Variants in CDYL2 observed in about 807,000 individuals in gnomAD.
CDYL2 encodes chromodomain Y like 2, also known as chromodomain Y-like protein 2.
Under a neutral mutation model 49.4 loss-of-function variants are expected in CDYL2, and 23 were observed. The observed-to-expected ratio is 0.47, with a 90% CI of 0.34 to 0.66. The LOEUF is 0.66. Ranked by LOEUF, CDYL2 falls within the 30% of genes least tolerant of loss-of-function variation. The pLI is 0.01. For synonymous variants in CDYL2, 360 were observed against 268.8 expected (o/e 1.34, Z -3.32); for missense variants, 678 against 656.4 (o/e 1.03, Z -0.36).
chr16:80,614,859 G>A (rs1182801771), intron 4 of CDYL2, among the ~76,000 whole-genome samples: 1 of 125,034 alleles, frequency 8.0e-6, no homozygotes, highest in Admixed American at 8.2e-5. Context: ...GTGAGACTCT[G>A]TCTCAGGGAG....
chr16:80,641,451 A>C (rs1017891966), intron 2 of CDYL2, among the ~76,000 whole-genome samples: 1 of 152,150 alleles, frequency 6.6e-6, no homozygotes, highest in Non-Finnish European at 1.5e-5. Context: ...AAAGCTGAGA[A>C]ATTTTATCAA....
chr16:80,657,319 G>A (rs773479585), intron 2 of CDYL2, among the ~76,000 whole-genome samples: 24 of 152,194 alleles, frequency 1.6e-4, no homozygotes, highest in Admixed American at 7.9e-4. Flanking sequence ...CAAGGACAGT[G>A]AATAGCATAA....
chr16:80,738,826 C>T (rs989522776), intron 1 of CDYL2: 2 of 152,162 alleles, frequency 1.3e-5, no homozygotes, highest in African/African-American at 4.8e-5. Flanking sequence ...TTTAACTTCG[C>T]CAAGCTTCAG....
chr16:80,766,897 T>C (rs539347441), intron 1 of CDYL2, among the ~76,000 whole-genome samples: 81 of 152,364 alleles, frequency 5.3e-4, no homozygotes, highest in African/African-American at 1.9e-3. Flanking sequence ...TACCAGGCAC[T>C]GGTTTTTACA....
intron 6 of CDYL2, among the ~76,000 whole-genome samples, chr16:80,605,527 T>G (rs1424846090): frequency 6.7e-6 from 1 of 149,908 alleles, no homozygotes; most frequent in Non-Finnish European, 1.5e-5. Context: ...ATAATCATAG[T>G]AACAATAGCA....
At chr16:80,653,565 T>C (rs1567557131) in intron 2 of CDYL2, among the ~76,000 whole-genome samples, 2 of 152,166 alleles carry the variant, frequency 1.3e-5, no homozygotes, top group South Asian at 4.1e-4. Context: ...GTTTTAACTT[T>C]TGTGAGTACA....
intron 2 of CDYL2, among the ~76,000 whole-genome samples, chr16:80,677,413 G>C (rs1909796347): frequency 6.6e-6 from 1 of 152,238 alleles, no homozygotes; most frequent in African/African-American, 2.4e-5. Context: ...AGCGTTTCAG[G>C]CTCAGAAGCA....
At chr16:80,770,669 G>C (rs1906875859) in intron 1 of CDYL2, among the ~76,000 whole-genome samples, 1 of 152,100 alleles carries the variant, frequency 6.6e-6, no homozygotes, top group Non-Finnish European at 1.5e-5. Flanking sequence ...GTAAAATTTA[G>C]ACTTGATGTC....
At chr16:80,667,884 C>A (rs1909333868) in intron 2 of CDYL2, among the ~76,000 whole-genome samples, 1 of 152,220 alleles carries the variant, frequency 6.6e-6, no homozygotes, top group Non-Finnish European at 1.5e-5. Context: ...CCCACAGAGG[C>A]TGGGTCATTT....
chr16:80,706,701 G>A (rs1904417410), intron 1 of CDYL2, among the ~76,000 whole-genome samples: 1 of 152,212 alleles, frequency 6.6e-6, no homozygotes, highest in Admixed American at 6.5e-5. Context: ...CAAGAAGAAT[G>A]AGATTGAGTC....
In CDYL2 at chr16:80,613,224, G is replaced by A. The variant is rs575435157; in HGVS notation, c.1008-388C>T. 1.1e-4 allele frequency among the ~76,000 whole-genome samples: 16 copies of A among 152,200 alleles called. No individual in the cohort carries two copies. In the South Asian group the frequency reaches 3.1e-3, roughly 30 times the overall value. ...TAAGGTGCAGAAGCAGAACCACAGG[G>A]AAGGTGTAACAGGGAGGCATATTTC... On this transcript the variant is annotated intron_variant, in intron 4 of 6. Coordinates refer to ENST00000570137, the MANE Select transcript of CDYL2 (RefSeq NM_152342.4).
At chr16:80,759,320 T>C (rs1352481346) in intron 1 of CDYL2, among the ~76,000 whole-genome samples, 1 of 151,740 alleles carries the variant, frequency 6.6e-6, no homozygotes, top group African/African-American at 2.4e-5. Flanking sequence ...TGAATGGAGA[T>C]GACACTTGAA....
chr16:80,639,969 G>C (rs1224070453), intron 2 of CDYL2, among the ~76,000 whole-genome samples: 1 of 152,196 alleles, frequency 6.6e-6, no homozygotes, highest in Non-Finnish European at 1.5e-5. Flanking sequence ...CAGAACTTGA[G>C]TTCCTGCAAG....
intron 5 of CDYL2, among the ~76,000 whole-genome samples, chr16:80,609,325 C>G (rs1906490043): frequency 6.6e-6 from 1 of 152,190 alleles, no homozygotes; most frequent in Non-Finnish European, 1.5e-5. Context: ...TCTCTCCTGC[C>G]TCTACATGCT....
chr16:80,787,245 T>C (rs923856063), intron 1 of CDYL2, among the ~76,000 whole-genome samples: 2 of 152,084 alleles, frequency 1.3e-5, no homozygotes, highest in African/African-American at 2.4e-5. Context: ...GCAGGGGAAA[T>C]GAAGCCAGCC....
intron 2 of CDYL2, among the ~76,000 whole-genome samples, chr16:80,645,646 A>C (rs1908306518): frequency 6.6e-6 from 1 of 152,126 alleles, no homozygotes; most frequent in Non-Finnish European, 1.5e-5. Context: ...TATATATCCA[A>C]AGGATTATAA....
At chr16:80,774,405 TG>T (rs1187647509) in intron 1 of CDYL2, among the ~76,000 whole-genome samples, 1 of 139,124 alleles carries the variant, frequency 7.2e-6, no homozygotes, top group East Asian at 2.3e-4. Context: ...TGGGGGAGGA[TG>T]GGGGAAGGAA....
chr16:80,681,570 C>A (rs1400768899), intron 2 of CDYL2, among the ~76,000 whole-genome samples: 2 of 152,196 alleles, frequency 1.3e-5, no homozygotes, highest in African/African-American at 4.8e-5. Flanking sequence ...CTCTCTCAAG[C>A]AAGGATTCTC....
At chr16:80,690,198 G>C (rs1005383824) in intron 1 of CDYL2, among the ~76,000 whole-genome samples, 3 of 152,112 alleles carry the variant, frequency 2.0e-5, no homozygotes, top group Non-Finnish European at 2.9e-5. Context: ...AAGGTGCTGT[G>C]AGAAACAACG....
Sources: gnomAD v4.1 joint callset for allele counts (sites outside exome capture counted in the v4.1 genomes callset) on GRCh38, gnomAD v4.1.1 for gene constraint, MANE v1.5 for transcripts, NCBI Gene and HGNC (gene_info 2026-07-23, HGNC 2026-07-21) for gene names.